The following LRMDA variants were observed in gnomAD, a reference collection of about 807,000 sequenced individuals.
The protein encoded by LRMDA is leucine rich melanocyte differentiation associated.
In LRMDA, 18 loss-of-function variants were observed where a neutral mutation model predicts 29.8. The observed-to-expected ratio is 0.60, with a 90% CI of 0.42 to 0.90. The LOEUF (loss-of-function observed/expected upper bound fraction) is 0.90. LRMDA is among the 40% of genes least tolerant of loss of function. The pLI is 0.00. For synonymous variants in LRMDA, 125 were observed against 109.4 expected (o/e 1.14, Z -0.89); for missense variants, 273 against 273.9 (o/e 1.00, Z 0.02).
intron 2 of LRMDA, among the ~76,000 whole-genome samples, chr10:75,583,043 C>G (rs143312948): frequency 1.3e-3 from 195 of 152,296 alleles, no homozygotes; most frequent in African/African-American, 4.4e-3. Flanking sequence ...CTTCATTGTC[C>G]ATATAACTAT....
chr10:75,696,067 AG>A (rs1842230458), intron 2 of LRMDA, among the ~76,000 whole-genome samples: 1 of 152,206 alleles, frequency 6.6e-6, no homozygotes, highest in Admixed American at 6.5e-5. Context: ...CAAAAAGATA[AG>A]AGTGTTTAGT....
intron 2 of LRMDA, among the ~76,000 whole-genome samples, chr10:75,621,656 A>G (rs547919923): frequency 3.3e-5 from 5 of 152,282 alleles, no homozygotes; most frequent in South Asian, 2.1e-4. Context: ...GGGGAGGCCT[A>G]TGAACCACTG....
At chr10:75,957,747 TGA>T (rs1846689328) in intron 2 of LRMDA, among the ~76,000 whole-genome samples, 2 of 150,136 alleles carry the variant, frequency 1.3e-5, no homozygotes, top group African/African-American at 4.9e-5. Context: ...CGGGAGAGAG[TGA>T]GAGGAGGAGA....
At chr10:76,147,296 A>C (rs1333405909) in intron 5 of LRMDA, among the ~76,000 whole-genome samples, 5 of 151,982 alleles carry the variant, frequency 3.3e-5, no homozygotes, top group Non-Finnish European at 5.9e-5. Flanking sequence ...ACTTGGTTCC[A>C]TTCTCCCCGT....
At chr10:75,512,396 C>T (rs1230757217) in intron 2 of LRMDA, among the ~76,000 whole-genome samples, 3 of 151,250 alleles carry the variant, frequency 2.0e-5, no homozygotes, top group Admixed American at 6.6e-5. Flanking sequence ...GAGTATGGCT[C>T]TGTGTAGAGT....
chr10:76,443,754 T>G (rs1589189919), intron 6 of LRMDA, among the ~76,000 whole-genome samples: 1 of 152,216 alleles, frequency 6.6e-6, no homozygotes, highest in Non-Finnish European at 1.5e-5. Context: ...AGGTTATATT[T>G]TGGCATTTCA....
chr10:76,547,495 A>G (rs1247560267), intron 6 of LRMDA, among the ~76,000 whole-genome samples: 1 of 142,220 alleles, frequency 7.0e-6, no homozygotes, highest in African/African-American at 2.5e-5. Flanking sequence ...AGTTGCCGCC[A>G]TTTATTTATT....
At chr10:76,277,190 T>A (rs771063710) in intron 5 of LRMDA, among the ~76,000 whole-genome samples, 8 of 152,136 alleles carry the variant, frequency 5.3e-5, no homozygotes, top group Admixed American at 2.6e-4. Context: ...GTTTGAGATT[T>A]CCATGGTACT....
intron 2 of LRMDA, among the ~76,000 whole-genome samples, chr10:75,710,874 C>T (rs1475789002): frequency 6.6e-6 from 1 of 152,234 alleles, no homozygotes; most frequent in Non-Finnish European, 1.5e-5. Context: ...CAATGGGACG[C>T]TGTGATTGAT....
intron 2 of LRMDA, among the ~76,000 whole-genome samples, chr10:75,818,174 C>T (rs1352507176): frequency 2.0e-5 from 3 of 152,156 alleles, no homozygotes; most frequent in African/African-American, 7.2e-5. Context: ...TAGTCACATA[C>T]CCACACCTTA....
At chr10:75,520,099 G>C (rs945691238) in intron 2 of LRMDA, among the ~76,000 whole-genome samples, 1 of 152,138 alleles carries the variant, frequency 6.6e-6, no homozygotes, top group South Asian at 2.1e-4. Context: ...TTTCTCTCTG[G>C]CTGCCCTTAA....
intron 2 of LRMDA, among the ~76,000 whole-genome samples, chr10:75,690,148 A>G (rs549538498): frequency 6.6e-6 from 1 of 152,318 alleles, no homozygotes; most frequent in East Asian, 1.9e-4. Context: ...TCCAAATGCC[A>G]CTACAGTTTG....
chr10:75,456,291 C>G (rs1467721607), intron 2 of LRMDA, among the ~76,000 whole-genome samples: 1 of 152,258 alleles, frequency 6.6e-6, no homozygotes, highest in Non-Finnish European at 1.5e-5. Context: ...TTCCAAGACT[C>G]CTGCCACAAG....
intron 5 of LRMDA, among the ~76,000 whole-genome samples, chr10:76,245,800 T>C (rs1173809306): frequency 6.6e-5 from 10 of 152,166 alleles, no homozygotes; most frequent in African/African-American, 2.2e-4. Flanking sequence ...ACCAGACTGA[T>C]GGAAAGTAGC....
chr10:75,906,882 T>C (rs1400379899), intron 2 of LRMDA, among the ~76,000 whole-genome samples: 1 of 152,048 alleles, frequency 6.6e-6, no homozygotes, highest in African/African-American at 2.4e-5. Flanking sequence ...GGTGCAAGGT[T>C]GAACAGGTAA....
chr10:75,815,837 T>C (rs906590740), intron 2 of LRMDA, among the ~76,000 whole-genome samples: 1 of 152,246 alleles, frequency 6.6e-6, no homozygotes, highest in Non-Finnish European at 1.5e-5. Context: ...AGTATTTTTA[T>C]GTATTAATTC....
intron 2 of LRMDA, among the ~76,000 whole-genome samples, chr10:75,878,572 G>C (rs1414579037): frequency 6.6e-6 from 1 of 152,096 alleles, no homozygotes; most frequent in Non-Finnish European, 1.5e-5. Context: ...GTGCCTGCTA[G>C]GGTCTTGGGT....
chr10:75,958,124 A>G (rs56819389), intron 2 of LRMDA, among the ~76,000 whole-genome samples: 5,397 of 152,230 alleles, frequency 0.035, 274 homozygotes, highest in East Asian at 0.14. Flanking sequence ...CCAGGGTTAC[A>G]CTGCTACTTA....
chr10:75,917,899 G>A (rs1478931135), intron 2 of LRMDA, among the ~76,000 whole-genome samples: 1 of 152,056 alleles, frequency 6.6e-6, no homozygotes, highest in Non-Finnish European at 1.5e-5. Flanking sequence ...CATCCTGCAG[G>A]GAAGGCTCAC....
Sources: gnomAD v4.1 joint callset for allele counts (sites outside exome capture counted in the v4.1 genomes callset) on GRCh38, gnomAD v4.1.1 for gene constraint, MANE v1.5 for transcripts, NCBI Gene and HGNC (gene_info 2026-07-23, HGNC 2026-07-21) for gene names.